Variants in ATP2B2 observed in about 807,000 individuals in gnomAD.
ATP2B2 encodes ATPase plasma membrane Ca2+ transporting 2.
A neutral mutation model predicts 120.0 loss-of-function variants in ATP2B2; 15 were observed. That is an observed-to-expected ratio of 0.12 (90% confidence interval 0.08 to 0.19). The LOEUF is 0.19. Among genes scored for constraint, ATP2B2 ranks in the 10% least tolerant of loss-of-function variants. The pLI is 1.00. For missense variants in ATP2B2, 1,045 were observed against 1,719.8 expected (o/e 0.61, Z 6.94); for synonymous variants, 694 against 700.3 (o/e 0.99, Z 0.14).
intron 2 of ATP2B2, among the ~76,000 whole-genome samples, chr3:10,541,788 C>T (rs2067446034): frequency 6.6e-6 from 1 of 152,126 alleles, no homozygotes; most frequent in Non-Finnish European, 1.5e-5. Context: ...TTTATTGGCT[C>T]ATGGTGTTGT....
chr3:10,348,730 C>T (rs760862754), intron 16 of ATP2B2, among the ~76,000 whole-genome samples: 1 of 152,364 alleles, frequency 6.6e-6, no homozygotes, highest in Non-Finnish European at 1.5e-5. Flanking sequence ...GTCCAGAGCA[C>T]CCCATGCCAG....
intron 2 of ATP2B2, among the ~76,000 whole-genome samples, chr3:10,608,107 T>C (rs1458944916): frequency 1.3e-5 from 2 of 152,270 alleles, no homozygotes; most frequent in Admixed American, 1.3e-4. Context: ...TGTCCCCTGC[T>C]GTCTACCTCC....
intron 2 of ATP2B2, among the ~76,000 whole-genome samples, chr3:10,537,849 T>C (rs2067352610): frequency 6.6e-6 from 1 of 152,164 alleles, no homozygotes; most frequent in African/African-American, 2.4e-5. Flanking sequence ...TTTTTCTGTG[T>C]TTTATGACGA....
chr3:10,448,243 T>C (rs1353337165), intron 2 of ATP2B2, among the ~76,000 whole-genome samples: 1 of 152,194 alleles, frequency 6.6e-6, no homozygotes, highest in Non-Finnish European at 1.5e-5. Context: ...CTTAGAATAA[T>C]CATGGCTGCC....
rs532219706 is a variant in ATP2B2 at position 10,576,213 on chromosome 3, A to G, written c.-414-42080T>C. On this transcript the variant is annotated intron_variant, in intron 2 of 21. Coordinates refer to the ATP2B2 transcript ENST00000646379. Reference sequence around the variant, plus strand: ...CCCGTGGATGGACCTGGCACCAGAAAAAGGGCAGGGCCGAGGATGTCCTGC... The same window carrying G: ...CCCGTGGATGGACCTGGCACCAGAAGAAGGGCAGGGCCGAGGATGTCCTGC... Among the ~76,000 whole-genome samples, 6 of 152,250 alleles carry G rather than the reference A, an allele frequency of 3.9e-5. No homozygotes were observed. The East Asian group carries it at 9.7e-4, about 25-fold the overall frequency.
chr3:10,461,055 G>C (rs1257408003), intron 1 of ATP2B2, among the ~76,000 whole-genome samples: 1 of 152,210 alleles, frequency 6.6e-6, no homozygotes, highest in Non-Finnish European at 1.5e-5. Flanking sequence ...CAAGAATGCG[G>C]ATGCTAGGAA....
At chr3:10,672,052 T>C (rs2071112986) in intron 1 of ATP2B2, among the ~76,000 whole-genome samples, 1 of 152,186 alleles carries the variant, frequency 6.6e-6, no homozygotes. Flanking sequence ...GCAAAAGCAA[T>C]ATGATTTTAT....
chr3:10,395,552 T>C (rs2062008032), intron 5 of ATP2B2, among the ~76,000 whole-genome samples: 1 of 152,218 alleles, frequency 6.6e-6, no homozygotes, highest in Admixed American at 6.5e-5. Context: ...GGCAAAAGGT[T>C]AGCAACAGCC....
chr3:10,529,612 C>G (rs972265945), intron 3 of ATP2B2, among the ~76,000 whole-genome samples: 4 of 152,166 alleles, frequency 2.6e-5, no homozygotes, highest in African/African-American at 9.7e-5. Flanking sequence ...CATGAAAGAA[C>G]TGGTGGTCTG....
chr3:10,591,568 C>CA, intron 2 of ATP2B2, among the ~76,000 whole-genome samples: 3 of 152,320 alleles, frequency 2.0e-5, no homozygotes, highest in African/African-American at 7.2e-5. Context: ...CCAAGCATGG[C>CA]ATGTGCTCAC....
intron 1 of ATP2B2, among the ~76,000 whole-genome samples, chr3:10,621,738 C>T (rs1472620824): frequency 6.6e-6 from 1 of 152,252 alleles, no homozygotes; most frequent in East Asian, 1.9e-4. Context: ...TGAGCATTTA[C>T]TCCTCATTCC....
At chr3:10,591,259 C>T (rs2068636948) in intron 2 of ATP2B2, among the ~76,000 whole-genome samples, 1 of 152,152 alleles carries the variant, frequency 6.6e-6, no homozygotes, top group African/African-American at 2.4e-5. Context: ...CACACAGCCC[C>T]CTTCACTTGC....
intron 1 of ATP2B2, among the ~76,000 whole-genome samples, chr3:10,694,846 C>T (rs71316420): frequency 6.6e-6 from 1 of 152,088 alleles, no homozygotes; most frequent in Admixed American, 6.5e-5. Flanking sequence ...CCCCTTCCCC[C>T]CTCCCTCTCT....
At chr3:10,532,992 C>G (rs376413803) in intron 3 of ATP2B2, among the ~76,000 whole-genome samples, 1 of 152,204 alleles carries the variant, frequency 6.6e-6, no homozygotes, top group Non-Finnish European at 1.5e-5. Flanking sequence ...GATGGCAACT[C>G]TAAGCTCTGG....
At chr3:10,503,014 A>G (rs1157141057) in intron 1 of ATP2B2, among the ~76,000 whole-genome samples, 1 of 152,172 alleles carries the variant, frequency 6.6e-6, no homozygotes, top group Admixed American at 6.5e-5. Context: ...CTGAGATGAT[A>G]CGTGCAAAGC....
At chr3:10,478,425 A>G (rs2065282517) in intron 1 of ATP2B2, among the ~76,000 whole-genome samples, 1 of 152,204 alleles carries the variant, frequency 6.6e-6, no homozygotes, top group African/African-American at 2.4e-5. Context: ...TTTTGGTGTC[A>G]TAGCCAATAA....
chr3:10,370,806 A>C (rs535276837), intron 12 of ATP2B2, among the ~76,000 whole-genome samples: 2 of 152,334 alleles, frequency 1.3e-5, no homozygotes, highest in African/African-American at 4.8e-5. Flanking sequence ...CTGATCACCC[A>C]GATGCTCTCA....
At chr3:10,593,738 T>C (rs2068697788) in intron 2 of ATP2B2, among the ~76,000 whole-genome samples, 2 of 152,062 alleles carry the variant, frequency 1.3e-5, no homozygotes, top group African/African-American at 4.8e-5. Context: ...CTAAAGAACT[T>C]CTGCACAGCA....
chr3:10,597,112 C>T (rs891941470), intron 2 of ATP2B2, among the ~76,000 whole-genome samples: 3 of 150,618 alleles, frequency 2.0e-5, no homozygotes, highest in Non-Finnish European at 3.0e-5. Context: ...CACACATACA[C>T]GCACACACAC....
Sources: allele counts gnomAD v4.1 joint callset (sites outside exome capture counted in the v4.1 genomes callset), GRCh38; gene constraint gnomAD v4.1.1; transcripts MANE v1.5; gene names NCBI Gene and HGNC (gene_info 2026-07-23, HGNC 2026-07-21).